NETO1: variants seen among roughly 807,000 people sequenced by gnomAD.
The protein encoded by NETO1 is neuropilin and tolloid-like protein 1.
In NETO1, 26 loss-of-function variants were observed where a neutral mutation model predicts 61.3. That is an observed-to-expected ratio of 0.42 (90% CI 0.31 to 0.59). The LOEUF (loss-of-function observed/expected upper bound fraction) is 0.59. NETO1 is among the 20% of genes least tolerant of loss of function. NETO1 has a pLI of 0.12. For synonymous variants in NETO1, 225 were observed against 225.8 expected, an observed-to-expected ratio of 1.00 and a Z score of 0.03; for missense variants, 531 against 662.8, an observed-to-expected ratio of 0.80 and a Z score of 2.18.
chr18:72,752,884 T>C (rs2070669269), intron 8 of NETO1, among the ~76,000 whole-genome samples: 1 of 152,086 alleles, frequency 6.6e-6, no homozygotes, highest in African/African-American at 2.4e-5. Flanking sequence ...TCCTGGAGCC[T>C]CAACAGTACA....
At chr18:72,815,241 A>G (rs1292069601) in intron 4 of NETO1, among the ~76,000 whole-genome samples, 2 of 152,194 alleles carry the variant, frequency 1.3e-5, no homozygotes, top group Non-Finnish European at 2.9e-5. Context: ...GACAACAAAA[A>G]AGAATCGCTT....
At chr18:72,771,180 A>C (rs1051465677) in intron 7 of NETO1, among the ~76,000 whole-genome samples, 2 of 152,194 alleles carry the variant, frequency 1.3e-5, no homozygotes, top group Admixed American at 6.6e-5. Flanking sequence ...TTATGTGAAC[A>C]AAAGGCAGAT....
Position 72,830,455 on chromosome 18 carries a change from G to C in NETO1, c.469+28371C>G, listed in dbSNP as rs998619788. Among the ~76,000 whole-genome samples, 1 of 152,122 alleles carries C rather than the reference G, an allele frequency of 6.6e-6. No homozygotes were observed. Among genetic ancestry groups the C allele is most frequent in the Non-Finnish European group, 1.5e-5 (1 of 68,018 alleles). On this transcript the variant is annotated intron_variant, in intron 4 of 10. Transcript: ENST00000327305. The surrounding 1 kb of genome is among the most constrained non-coding windows in gnomAD (Gnocchi z 4.9). Reference sequence around the variant, plus strand: ...CTTTGCTGGGCGGTGAAAGGGACCAGGGCATCTAAACAAGGAGTCCAAAAA... The same window carrying C: ...CTTTGCTGGGCGGTGAAAGGGACCACGGCATCTAAACAAGGAGTCCAAAAA...
At chr18:72,788,846 T>C (rs963631069) in intron 6 of NETO1, among the ~76,000 whole-genome samples, 6 of 152,142 alleles carry the variant, frequency 3.9e-5, no homozygotes, top group African/African-American at 7.2e-5. Flanking sequence ...CAAAATTTAA[T>C]ACCACCTGCT....
chr18:72,787,635 C>A (rs529374982), intron 6 of NETO1, among the ~76,000 whole-genome samples: 2 of 152,304 alleles, frequency 1.3e-5, no homozygotes, highest in South Asian at 4.1e-4. Flanking sequence ...TATTTCATAT[C>A]TCTCAACAAC....
intron 8 of NETO1, among the ~76,000 whole-genome samples, chr18:72,753,829 G>A (rs891838406): frequency 8.5e-5 from 13 of 152,084 alleles, no homozygotes; most frequent in African/African-American, 2.4e-4. Flanking sequence ...AAATGTTATT[G>A]GGTGAGGAAA....
intron 4 of NETO1, among the ~76,000 whole-genome samples, chr18:72,854,155 A>G (rs959964059): frequency 1.3e-5 from 2 of 152,146 alleles, no homozygotes; most frequent in African/African-American, 4.8e-5. Flanking sequence ...ATGCAGCTTG[A>G]GAGGTGGCTA....
chr18:72,749,798 G>A (rs1196151123), intron 9 of NETO1, among the ~76,000 whole-genome samples: 1 of 149,400 alleles, frequency 6.7e-6, no homozygotes, highest in Non-Finnish European at 1.5e-5. Context: ...ATAAATATGT[G>A]TATATGTTTA....
At chr18:72,804,301 CCTT>C (rs2072606699) in intron 4 of NETO1, among the ~76,000 whole-genome samples, 1 of 152,130 alleles carries the variant, frequency 6.6e-6, no homozygotes, top group South Asian at 2.1e-4. Context: ...ATCATGGGTA[CCTT>C]CTTCTAAAAG....
chr18:72,860,666 T>C (rs923380236), intron 3 of NETO1, among the ~76,000 whole-genome samples: 2 of 152,028 alleles, frequency 1.3e-5, no homozygotes, highest in Non-Finnish European at 2.9e-5. Flanking sequence ...CTAAATTGTA[T>C]GAAAAAGGTG....
At chr18:72,782,381 A>G (rs926830275) in intron 7 of NETO1, among the ~76,000 whole-genome samples, 1 of 152,202 alleles carries the variant, frequency 6.6e-6, no homozygotes, top group Non-Finnish European at 1.5e-5. Context: ...GTTGGGTCAA[A>G]TGGTAGATCT....
rs1410139830 is a variant in NETO1 at position 72,865,211 on chromosome 18, G to C, written c.59C>G (p.Ser20Cys). Residue 20 changes from serine to cysteine, a missense_variant, in exon 2 of 11, where the codon TCT (serine) becomes TGT (cysteine). Coordinates refer to ENST00000327305, the MANE Select transcript of NETO1 (RefSeq NM_138966.5). ...ACCTGTTCCTTTCTTGGTTGCCCCA[G>C]ACAAATGGAGGATGATTAAACTTGC... ...IVASLIILHL[S>C]GATKKGTEKQ... 6.2e-7 allele frequency: 1 copy of C among 1,613,012 alleles called. No individual in the cohort carries two copies. Among genetic ancestry groups the C allele is most frequent in the Non-Finnish European group, 8.5e-7 (1 of 1,179,576 alleles).
intron 3 of NETO1, among the ~76,000 whole-genome samples, chr18:72,863,330 G>C (rs936487514): frequency 6.6e-6 from 1 of 152,192 alleles, no homozygotes; most frequent in Non-Finnish European, 1.5e-5. Context: ...ACATTCTTCA[G>C]AAATGAAGGT....
At chr18:72,772,765 A>ATC (rs1421848050) in intron 7 of NETO1, among the ~76,000 whole-genome samples, 15 of 136,356 alleles carry the variant, frequency 1.1e-4, no homozygotes, top group African/African-American at 4.0e-4. Flanking sequence ...ATATCTATAT[A>ATC]TATATATATA....
chr18:72,770,909 T>C (rs1400986508), intron 7 of NETO1, among the ~76,000 whole-genome samples: 1 of 152,164 alleles, frequency 6.6e-6, no homozygotes, highest in African/African-American at 2.4e-5. Context: ...TAACTCTAAA[T>C]TGGAAAATGT....
chr18:72,854,907 C>T (rs1195415785), intron 4 of NETO1, among the ~76,000 whole-genome samples: 1 of 151,920 alleles, frequency 6.6e-6, no homozygotes, highest in Non-Finnish European at 1.5e-5. Context: ...TCCTTATTCC[C>T]CTCTTCCTGC....
chr18:72,790,476 T>G (rs2072078419), intron 6 of NETO1, among the ~76,000 whole-genome samples: 1 of 152,146 alleles, frequency 6.6e-6, no homozygotes, highest in African/African-American at 2.4e-5. Flanking sequence ...AGCCAAATAT[T>G]TGGGCAAGTC....
At chr18:72,827,113 G>A (rs1351687158) in intron 4 of NETO1, among the ~76,000 whole-genome samples, 5 of 136,052 alleles carry the variant, frequency 3.7e-5, no homozygotes, top group African/African-American at 8.4e-5. Flanking sequence ...TTCCAAATCC[G>A]TAAGTTACCT....
chr18:72,748,167 G>A lies in NETO1; in HGVS notation c.*15-3C>T. On this transcript the variant is annotated splice_polypyrimidine_tract_variant and splice_region_variant and intron_variant, in intron 10 of 10. Coordinates refer to ENST00000327305, the MANE Select transcript of NETO1 (RefSeq NM_138966.5). ...ATGTTTGTATAAATAGTTCTTCTCT[G>A]AAAATAAAAAACAGTTAAAACATTT... 1.0e-6 allele frequency: 1 copy of A among 982,262 alleles called. No homozygotes were observed. Among genetic ancestry groups the A allele is most frequent in the Non-Finnish European group, 1.2e-6 (1 of 826,704 alleles). The allele number at this position is 982,262 out of a possible 1,614,324, so 60.8% of individuals were successfully genotyped here.
Sources: allele counts gnomAD v4.1 joint callset (sites outside exome capture counted in the v4.1 genomes callset), GRCh38; gene constraint gnomAD v4.1.1; non-coding constraint Gnocchi (gnomAD v3.1); transcripts MANE v1.5; gene names NCBI Gene and HGNC (gene_info 2026-07-23, HGNC 2026-07-21).